Variants in PPFIA2 observed in about 807,000 individuals in gnomAD.
PPFIA2 encodes the protein PPFI scaffold protein A2.
In PPFIA2, 46 loss-of-function variants were observed where a neutral mutation model predicts 175.5. The observed-to-expected ratio is 0.26, with a 90% CI of 0.21 to 0.34. The LOEUF (loss-of-function observed/expected upper bound fraction) is 0.34, where lower values mean the gene tolerates loss of function less well. PPFIA2 is among the 10% of genes least tolerant of loss of function. The pLI, the probability that PPFIA2 is intolerant of heterozygous loss-of-function variation, is 1.00. For synonymous variants in PPFIA2, 568 were observed against 511.4 expected, an observed-to-expected ratio of 1.11 and a Z score of -1.49; for missense variants, 1,179 against 1,506.1, an observed-to-expected ratio of 0.78 and a Z score of 3.60.
intron 3 of PPFIA2, among the ~76,000 whole-genome samples, chr12:81,707,727 G>T (rs2077374895): frequency 6.6e-6 from 1 of 151,132 alleles, no homozygotes. Context: ...GCACACGTAT[G>T]TTTATTGCGG....
chr12:81,566,348 C>A (rs2071277251), intron 4 of PPFIA2, among the ~76,000 whole-genome samples: 1 of 151,406 alleles, frequency 6.6e-6, no homozygotes, highest in South Asian at 2.1e-4. Flanking sequence ...ATGGTAAAAC[C>A]CCATCTGTAC....
At chr12:81,373,348 C>T (rs1263698533) in intron 11 of PPFIA2, among the ~76,000 whole-genome samples, 5 of 151,802 alleles carry the variant, frequency 3.3e-5, no homozygotes, top group Non-Finnish European at 7.4e-5. Context: ...TTATGCATAT[C>T]TTAGTCTAGG....
intron 4 of PPFIA2, among the ~76,000 whole-genome samples, chr12:81,573,443 A>G (rs2153417069): frequency 6.6e-6 from 1 of 152,044 alleles, no homozygotes; most frequent in Non-Finnish European, 1.5e-5. Context: ...GTTGAAAAAA[A>G]TGTTTATAGA....
intron 4 of PPFIA2, among the ~76,000 whole-genome samples, chr12:81,501,168 T>C (rs1477458608): frequency 6.6e-6 from 1 of 152,220 alleles, no homozygotes; most frequent in Non-Finnish European, 1.5e-5. Context: ...TTGTCACTGA[T>C]TTTTAAAAAT....
intron 4 of PPFIA2, among the ~76,000 whole-genome samples, chr12:81,506,379 G>A (rs1473421326): frequency 6.6e-6 from 1 of 152,086 alleles, no homozygotes; most frequent in Non-Finnish European, 1.5e-5. Flanking sequence ...TGTTTAGATA[G>A]CACTTTATAC....
chr12:81,595,092 C>T (rs2059100880), intron 4 of PPFIA2, among the ~76,000 whole-genome samples: 1 of 151,718 alleles, frequency 6.6e-6, no homozygotes, highest in East Asian at 1.9e-4. Flanking sequence ...AGGAGGAACA[C>T]ATTAAGTCAT....
intron 4 of PPFIA2, among the ~76,000 whole-genome samples, chr12:81,474,076 A>AAAAT (rs2057149616): frequency 6.6e-6 from 1 of 152,202 alleles, no homozygotes; most frequent in African/African-American, 2.4e-5. Flanking sequence ...TTAATAGGAA[A>AAAAT]AAATGTTTAA....
intron 4 of PPFIA2, among the ~76,000 whole-genome samples, chr12:81,493,583 G>T (rs2059646049): frequency 6.6e-6 from 1 of 151,782 alleles, no homozygotes; most frequent in African/African-American, 2.4e-5. Flanking sequence ...TCACTGAAGA[G>T]ATAGGGGGCA....
At chr12:81,672,178 TACA>T (rs943864216) in intron 4 of PPFIA2, among the ~76,000 whole-genome samples, 10 of 151,918 alleles carry the variant, frequency 6.6e-5, no homozygotes. Context: ...AAGGTTGAAA[TACA>T]ACAATATAAG....
chr12:81,427,004 A>AAAAAT (rs2047245753), intron 7 of PPFIA2, among the ~76,000 whole-genome samples: 2 of 152,240 alleles, frequency 1.3e-5, no homozygotes, highest in East Asian at 3.9e-4. Flanking sequence ...TTATCAAAGT[A>AAAAAT]TTTGGCATTT....
intron 4 of PPFIA2, among the ~76,000 whole-genome samples, chr12:81,493,533 G>A (rs1470748528): frequency 1.3e-5 from 2 of 151,806 alleles, no homozygotes; most frequent in Non-Finnish European, 2.9e-5. Flanking sequence ...CACCAGATTT[G>A]GCAACACAGA....
chr12:81,742,288 C>G (rs915645022), intron 3 of PPFIA2, among the ~76,000 whole-genome samples: 2 of 152,144 alleles, frequency 1.3e-5, no homozygotes, highest in Non-Finnish European at 2.9e-5. Context: ...TCTTTTATGG[C>G]TCTGAATTAT....
intron 8 of PPFIA2, among the ~76,000 whole-genome samples, chr12:81,393,702 G>C (rs1382612927): frequency 6.6e-6 from 1 of 152,066 alleles, no homozygotes; most frequent in Non-Finnish European, 1.5e-5. Context: ...AGTCCACAAA[G>C]AGAACTTACC....
At chr12:81,408,587 G>C (rs1265583590) in intron 7 of PPFIA2, among the ~76,000 whole-genome samples, 1 of 152,108 alleles carries the variant, frequency 6.6e-6, no homozygotes, top group Non-Finnish European at 1.5e-5. Context: ...TCAGTGAAAA[G>C]ATGAATTAAT....
At chr12:81,441,327 A>T (rs1367125819) in intron 6 of PPFIA2, among the ~76,000 whole-genome samples, 2 of 152,056 alleles carry the variant, frequency 1.3e-5, no homozygotes, top group Non-Finnish European at 2.9e-5. Flanking sequence ...GATGCATTTA[A>T]TTCCTGAAAT....
At chr12:81,402,449 G>A in intron 8 of PPFIA2, among the ~76,000 whole-genome samples, 1 of 152,038 alleles carries the variant, frequency 6.6e-6, no homozygotes, top group East Asian at 1.9e-4. Context: ...ATTTTGATAA[G>A]AAAAATGCTC....
intron 4 of PPFIA2, among the ~76,000 whole-genome samples, chr12:81,466,148 A>G (rs2055580895): frequency 1.3e-5 from 2 of 152,148 alleles, no homozygotes; most frequent in Admixed American, 1.3e-4. Context: ...TTTTCACAAA[A>G]ATCATTGGGT....
At chr12:81,599,440 G>A (rs2059577691) in intron 4 of PPFIA2, among the ~76,000 whole-genome samples, 1 of 151,960 alleles carries the variant, frequency 6.6e-6, no homozygotes, top group Non-Finnish European at 1.5e-5. Flanking sequence ...AATTAAGTGT[G>A]TAGGTAATTA....
At chr12:81,684,133 T>C (rs929661393) in intron 3 of PPFIA2, among the ~76,000 whole-genome samples, 4 of 152,120 alleles carry the variant, frequency 2.6e-5, no homozygotes, top group African/African-American at 9.7e-5. Context: ...GTAGATATCC[T>C]CCTATTTAAC....
Sources: allele counts gnomAD v4.1 joint callset (sites outside exome capture counted in the v4.1 genomes callset), GRCh38; gene constraint gnomAD v4.1.1; transcripts MANE v1.5; gene names NCBI Gene and HGNC (gene_info 2026-07-23, HGNC 2026-07-21).